Variants in RBM33 observed in about 807,000 individuals in gnomAD.
RBM33 encodes the protein RNA-binding protein 33.
A neutral mutation model predicts 132.6 loss-of-function variants in RBM33; 28 were observed. The observed-to-expected ratio is 0.21, with a 90% confidence interval of 0.16 to 0.29. The LOEUF (loss-of-function observed/expected upper bound fraction) is 0.29. Among genes scored for constraint, RBM33 ranks in the 10% least tolerant of loss-of-function variants. RBM33 has a pLI of 1.00. For synonymous variants in RBM33, 634 were observed against 593.0 expected (o/e 1.07, Z -1.01); for missense variants, 1,291 against 1,518.5 (o/e 0.85, Z 2.49).
intron 14 of RBM33, among the ~76,000 whole-genome samples, chr7:155,759,826 A>G (rs1042908275): frequency 6.6e-6 from 1 of 152,198 alleles, no homozygotes; most frequent in East Asian, 1.9e-4. Flanking sequence ...TCTCTAGACC[A>G]TCTTGTTTCA....
intron 6 of RBM33, among the ~76,000 whole-genome samples, chr7:155,706,598 C>G (rs1468295543): frequency 6.6e-6 from 1 of 152,080 alleles, no homozygotes; most frequent in African/African-American, 2.4e-5. Context: ...TCAGTGGTCT[C>G]CGATGAAAAT....
intron 15 of RBM33, among the ~76,000 whole-genome samples, chr7:155,765,050 A>G (rs1402260687): frequency 6.6e-6 from 1 of 152,248 alleles, no homozygotes; most frequent in Admixed American, 6.5e-5. Flanking sequence ...ATCCCTGAAT[A>G]TATGATGAGA....
intron 5 of RBM33, among the ~76,000 whole-genome samples, chr7:155,697,555 ACT>A (rs564791994): frequency 1.1e-4 from 17 of 150,556 alleles, no homozygotes; most frequent in Non-Finnish European, 1.6e-4. Flanking sequence ...TCTCTTTTGC[ACT>A]CTCTCTCTCT....
intron 13 of RBM33, 47 bp downstream of exon 13, chr7:155,742,153 C>T (rs1801364757): frequency 6.6e-7 from 1 of 1,526,144 alleles, no homozygotes; most frequent in Admixed American, 2.1e-5. Flanking sequence ...AACAAGAAGC[C>T]TTAGAATCAA....
intron 9 of RBM33, among the ~76,000 whole-genome samples, chr7:155,731,188 A>G (rs912301714): frequency 6.6e-6 from 1 of 152,112 alleles, no homozygotes; most frequent in Non-Finnish European, 1.5e-5. Flanking sequence ...AATGAGAAAA[A>G]TCTTTTTGAG....
rs1192052207 is a variant in RBM33, at chr7:155,745,780, C to G, written c.2979+178C>G. 4 of 645,388 alleles carry G rather than the reference C, an allele frequency of 6.2e-6. No homozygotes were observed. Among genetic ancestry groups the G allele is most frequent in the African/African-American group, 1.8e-5 (1 of 54,584 alleles). The allele number at this position is 645,388 out of a possible 1,614,324, so 40.0% of individuals were successfully genotyped here. A position where few individuals can be genotyped will look rare whatever the true frequency, so the allele number is the denominator to read the frequency against. The stretch of plus-strand genomic sequence containing the variant: ...TGCCGCTTGACGACAGGCATACATT[C>G]TCAGAAATGTGTTGTTAGGCGATTT... On this transcript the variant is annotated intron_variant, in intron 14 of 17. Coordinates refer to ENST00000401878, the MANE Select transcript of RBM33 (RefSeq NM_053043.3). The surrounding 1 kb of genome is among the most constrained non-coding windows in gnomAD (Gnocchi z 4.1).
At chr7:155,678,515 G>T (rs1426854223) in intron 3 of RBM33, 93 bp from the exon 4 acceptor site, 8 of 793,474 alleles carry the variant, frequency 1.0e-5, no homozygotes, top group Non-Finnish European at 1.6e-5. Flanking sequence ...TTAATATAAG[G>T]CTAGGAACAA....
At chr7:155,715,880 G>A (rs1159061497) in intron 8 of RBM33, among the ~76,000 whole-genome samples, 1 of 152,158 alleles carries the variant, frequency 6.6e-6, no homozygotes, top group East Asian at 1.9e-4. Flanking sequence ...CAGATGAAAG[G>A]TGCTTTTTAA....
chr7:155,720,231 C>T (rs1800578847), intron 9 of RBM33, among the ~76,000 whole-genome samples: 1 of 152,200 alleles, frequency 6.6e-6, no homozygotes, highest in South Asian at 2.1e-4. Context: ...GAAGTGTTCT[C>T]TTCAGCCCAG....
chr7:155,654,472 T>C (rs1165610882), intron 1 of RBM33, among the ~76,000 whole-genome samples: 2 of 152,242 alleles, frequency 1.3e-5, no homozygotes, highest in Non-Finnish European at 2.9e-5. Context: ...ACGTTGCTTT[T>C]CTAGTAATGC....
chr7:155,689,770 T>G (rs1234154169), intron 5 of RBM33, among the ~76,000 whole-genome samples: 1 of 152,254 alleles, frequency 6.6e-6, no homozygotes, highest in Non-Finnish European at 1.5e-5. Context: ...AGTTTCCATG[T>G]AGTTGAGCGG....
intron 5 of RBM33, among the ~76,000 whole-genome samples, chr7:155,682,755 G>T (rs1799370426): frequency 6.6e-6 from 1 of 152,140 alleles, no homozygotes; most frequent in Admixed American, 6.6e-5. Flanking sequence ...CCACACGGGA[G>T]GTCTCTTTCA....
Position 155,721,151 on chromosome 7 carries a change from A to G in RBM33, c.1260+2708A>G, listed in dbSNP as rs111259943. 4.1e-3 allele frequency among the ~76,000 whole-genome samples: 627 copies of G among 152,142 alleles called. 8 individuals are homozygous for G. The highest frequency in any genetic ancestry group is 0.015 in the African/African-American group (603 of 41,472). On this transcript the variant is annotated intron_variant, in intron 9 of 17. Transcript: ENST00000401878. Reference sequence around the variant, plus strand: ...CAAAGCTGTGCTCGTAGTAGTGCATATGTAGCTTCCTCACATCAGTCATAG... The same window carrying G: ...CAAAGCTGTGCTCGTAGTAGTGCATGTGTAGCTTCCTCACATCAGTCATAG...
chr7:155,745,351 C>T lies in RBM33; in HGVS notation c.2728C>T (p.Leu910=). ...GTATCAAGGACAACAGATGAAAGCA[C>T]TGAAACATTTGAGACAGACCAGAAC... The part of the protein sequence containing the change: ...MQYQGQQMKA[L]KHLRQTRTVP... Residue 910 remains leucine (L), a synonymous_variant, in exon 14 of 18, where the codon CTG becomes TTG. Transcript: ENST00000401878. The surrounding 1 kb of genome is among the most constrained non-coding windows in gnomAD (Gnocchi z 4.1). 1.2e-6 allele frequency: 2 copies of T among 1,613,314 alleles called. No homozygotes were observed. The highest frequency in any genetic ancestry group is 8.5e-7 in the Non-Finnish European group (1 of 1,179,540).
intron 7 of RBM33, among the ~76,000 whole-genome samples, chr7:155,707,793 A>G (rs919869837): frequency 3.3e-5 from 5 of 152,144 alleles, no homozygotes; most frequent in South Asian, 2.1e-4. Flanking sequence ...AGTAGCTGGG[A>G]TTACAGGCAC....
intron 14 of RBM33, among the ~76,000 whole-genome samples, chr7:155,755,269 G>C (rs1216974389): frequency 6.6e-6 from 1 of 152,174 alleles, no homozygotes; most frequent in Non-Finnish European, 1.5e-5. Context: ...ATAAGAGGCT[G>C]CCCTGGGACA....
rs528759155 is a variant in RBM33, at chr7:155,768,482, G to A, written c.3375+1827G>A. ...ATCCTAAATGTTTTGGAATAGTGTC[G>A]AGTCTCTGTCTCTTTGGGATATGGC... On this transcript the variant is annotated intron_variant, in intron 16 of 17. Coordinates refer to ENST00000401878, the MANE Select transcript of RBM33 (RefSeq NM_053043.3). Among the ~76,000 whole-genome samples the A allele has an allele frequency of 1.3e-4, 20 of 152,204 alleles. 1 individual carries two copies. The South Asian group carries it at 2.7e-3, about 20-fold the overall frequency.
intron 3 of RBM33, among the ~76,000 whole-genome samples, chr7:155,673,775 C>A (rs1216797800): frequency 6.9e-6 from 1 of 144,514 alleles, no homozygotes; most frequent in African/African-American, 2.6e-5. Context: ...CGCGCACACA[C>A]ACACACACAC....
chr7:155,745,543 G>A lies in RBM33; in HGVS notation c.2920G>A (p.Gly974Ser). ...KRTVTHRTNS[G>S]GGDGPHISSK... The stretch of plus-strand genomic sequence containing the variant: ...GACTGTCACGCACAGGACAAACAGT[G>A]GTGGTGGAGACGGGCCCCACATCAG... The change falls in exon 14 of 18, where the codon GGT (glycine) becomes AGT (serine). Residue 974 changes from glycine (G) to serine (S), a missense_variant. Gly to Ser is a moderately conservative substitution (Grantham distance 56). Transcript: ENST00000401878. This position sits in a 1 kb window ranked among gnomAD's most constrained non-coding sequence, Gnocchi z 4.1. 1 of 1,611,192 alleles carries A rather than the reference G, an allele frequency of 6.2e-7. No individual in the cohort carries two copies. Among genetic ancestry groups the A allele is most frequent in the Non-Finnish European group, 8.5e-7 (1 of 1,178,646 alleles).
Sources: allele counts gnomAD v4.1 joint callset (sites outside exome capture counted in the v4.1 genomes callset), GRCh38; gene constraint gnomAD v4.1.1; non-coding constraint Gnocchi (gnomAD v3.1); transcripts MANE v1.5; gene names NCBI Gene and HGNC (gene_info 2026-07-23, HGNC 2026-07-21).